Variants in PCDH15 observed in about 807,000 individuals in gnomAD.
PCDH15 encodes protocadherin-15.
PCDH15 carries 129 observed loss-of-function variants against 178.5 expected under a neutral mutation model. That is an observed-to-expected ratio of 0.72 (90% CI 0.63 to 0.84). The LOEUF (loss-of-function observed/expected upper bound fraction) is 0.84, where lower values mean the gene tolerates loss of function less well. Ranked by LOEUF, PCDH15 falls within the 40% of genes least tolerant of loss-of-function variation. The pLI, the probability that PCDH15 is intolerant of heterozygous loss-of-function variation, is 0.00. For missense variants in PCDH15, 2,230 were observed against 2,099.9 expected (o/e 1.06, Z -1.21); for synonymous variants, 800 against 732.0 (o/e 1.09, Z -1.50).
intron 2 of PCDH15, among the ~76,000 whole-genome samples, chr10:55,065,024 G>T (rs771684249): frequency 6.6e-6 from 1 of 151,972 alleles, no homozygotes; most frequent in South Asian, 2.1e-4. Flanking sequence ...CTGGATGAAA[G>T]ATGAAAATAT....
intron 28 of PCDH15, among the ~76,000 whole-genome samples, chr10:53,853,218 A>T (rs1214995360): frequency 7.0e-6 from 1 of 143,752 alleles, no homozygotes; most frequent in Non-Finnish European, 1.6e-5. Flanking sequence ...ATCCATATGT[A>T]AAAAAAAAAA....
intron 2 of PCDH15, among the ~76,000 whole-genome samples, chr10:54,529,877 G>T (rs1343636238): frequency 2.6e-5 from 4 of 151,814 alleles, no homozygotes; most frequent in African/African-American, 9.7e-5. Flanking sequence ...GCACTGTATT[G>T]TAAGGTATGC....
intron 1 of PCDH15, among the ~76,000 whole-genome samples, chr10:54,782,973 G>T (rs1950515720): frequency 6.6e-6 from 1 of 151,752 alleles, no homozygotes. Flanking sequence ...CACATCTACA[G>T]GAAAAAAAGT....
At chr10:55,327,077 G>C (rs942833217) in intron 2 of PCDH15, among the ~76,000 whole-genome samples, 2 of 152,050 alleles carry the variant, frequency 1.3e-5, no homozygotes, top group Non-Finnish European at 2.9e-5. Flanking sequence ...CAAAGTAATG[G>C]TAATAGGAGG....
At chr10:54,921,524 C>T (rs1379080018) in intron 2 of PCDH15, among the ~76,000 whole-genome samples, 2 of 152,038 alleles carry the variant, frequency 1.3e-5, no homozygotes, top group African/African-American at 4.8e-5. Flanking sequence ...TGTTGTTCCC[C>T]TCTATGTGTC....
chr10:54,295,417 A>G (rs925730789), intron 8 of PCDH15, among the ~76,000 whole-genome samples: 1 of 152,174 alleles, frequency 6.6e-6, no homozygotes, highest in Non-Finnish European at 1.5e-5. Flanking sequence ...ACCTGCTCGG[A>G]TCCCCTTCCA....
chr10:54,288,605 C>T (rs1268416956), intron 8 of PCDH15, among the ~76,000 whole-genome samples: 1 of 152,190 alleles, frequency 6.6e-6, no homozygotes, highest in Admixed American at 6.5e-5. Context: ...TTTCCCTTTC[C>T]TAGCCAAGGG....
chr10:55,615,748 T>C (rs1382569543), intron 2 of PCDH15, among the ~76,000 whole-genome samples: 1 of 152,124 alleles, frequency 6.6e-6, no homozygotes, highest in African/African-American at 2.4e-5. Flanking sequence ...TCATAGTGGC[T>C]GGCACCTGAA....
chr10:54,513,277 A>AT (rs1268797658), intron 3 of PCDH15, among the ~76,000 whole-genome samples: 10 of 147,120 alleles, frequency 6.8e-5, no homozygotes, highest in Admixed American at 1.4e-4. Context: ...TTATTTATTT[A>AT]TGAGACACAG....
rs1342037686 is a variant in PCDH15 at position 54,127,902 on chromosome 10, A to G, written c.1917+4973T>C. On this transcript the variant is annotated intron_variant, in intron 15 of 37. Transcript: ENST00000644397. Reference sequence around the variant, plus strand: ...GCAAAACTGTCTCATTTTAATTAATATGATGCCTTACTCATTATTTTTAAA... The same window carrying G: ...GCAAAACTGTCTCATTTTAATTAATGTGATGCCTTACTCATTATTTTTAAA... Among the ~76,000 whole-genome samples, 3 of 152,168 alleles carry G rather than the reference A, an allele frequency of 2.0e-5. No homozygotes were observed. The East Asian group carries it at 5.8e-4, about 29-fold the overall frequency.
intron 16 of PCDH15, among the ~76,000 whole-genome samples, chr10:54,089,433 T>G (rs182264012): frequency 4.6e-4 from 70 of 152,314 alleles, no homozygotes; most frequent in African/African-American, 1.3e-3. Context: ...AATGCCTCCT[T>G]TTAATGCCTG....
At chr10:54,794,071 GAT>G (rs1029850658) in intron 1 of PCDH15, among the ~76,000 whole-genome samples, 15 of 145,138 alleles carry the variant, frequency 1.0e-4, no homozygotes, top group African/African-American at 3.5e-4. Flanking sequence ...ACTGCTTTGA[GAT>G]ATATATATAT....
intron 2 of PCDH15, among the ~76,000 whole-genome samples, chr10:55,362,862 A>C (rs893025892): frequency 3.9e-5 from 6 of 152,192 alleles, no homozygotes; most frequent in African/African-American, 1.4e-4. Context: ...CAAGAAGATC[A>C]CAGGTGTGTC....
At chr10:55,437,034 T>C (rs1177347556) in intron 2 of PCDH15, among the ~76,000 whole-genome samples, 1 of 152,194 alleles carries the variant, frequency 6.6e-6, no homozygotes, top group Non-Finnish European at 1.5e-5. Flanking sequence ...TTGTGGGTGA[T>C]TTCCACATGT....
intron 1 of PCDH15, among the ~76,000 whole-genome samples, chr10:55,218,039 T>TG (rs1484900433): frequency 1.3e-5 from 2 of 152,014 alleles, no homozygotes; most frequent in African/African-American, 4.8e-5. Context: ...AGAGTTCTCC[T>TG]GACACTTTCT....
At chr10:53,933,522 T>C (rs11003937) in intron 25 of PCDH15, among the ~76,000 whole-genome samples, 14,299 of 148,544 alleles carry the variant, frequency 0.096, 1,534 homozygotes, top group East Asian at 0.26. Context: ...TTTATGGCTG[T>C]ATAGTATTCC....
At chr10:53,980,752 AAAC>A (rs1207814626) in intron 21 of PCDH15, among the ~76,000 whole-genome samples, 2 of 152,200 alleles carry the variant, frequency 1.3e-5, no homozygotes, top group Non-Finnish European at 2.9e-5. Flanking sequence ...AGTTAAACAA[AAAC>A]AACAACACTA....
intron 2 of PCDH15, among the ~76,000 whole-genome samples, chr10:55,570,887 G>C (rs545007333): frequency 6.6e-6 from 1 of 151,980 alleles, no homozygotes; most frequent in South Asian, 2.1e-4. Context: ...CTTGGCATTA[G>C]CAAAGGCAAT....
chr10:53,884,450 C>T (rs1285606917), intron 26 of PCDH15, among the ~76,000 whole-genome samples: 1 of 152,128 alleles, frequency 6.6e-6, no homozygotes, highest in Non-Finnish European at 1.5e-5. Flanking sequence ...AGTTGGTGAG[C>T]AGAACATATA....
Sources: allele counts gnomAD v4.1 joint callset (sites outside exome capture counted in the v4.1 genomes callset), GRCh38; gene constraint gnomAD v4.1.1; transcripts MANE v1.5; gene names NCBI Gene and HGNC (gene_info 2026-07-23, HGNC 2026-07-21).